ZZEF1: variants seen among roughly 807,000 people sequenced by gnomAD.
ZZEF1 encodes zinc finger ZZ-type and EF-hand domain-containing protein 1.
ZZEF1 carries 157 observed loss-of-function variants against 342.8 expected under a neutral mutation model. The observed-to-expected ratio is 0.46, with a 90% CI of 0.40 to 0.52. The LOEUF (loss-of-function observed/expected upper bound fraction) is 0.52, where lower values mean the gene tolerates loss of function less well. Among genes scored for constraint, ZZEF1 ranks in the 20% least tolerant of loss-of-function variants. The probability of loss-of-function intolerance (pLI) is 0.00; values close to 1 mark genes in which losing one functional copy is unlikely to be tolerated. For missense variants in ZZEF1, 3,480 were observed against 3,725.6 expected (o/e 0.93, Z 1.72); for synonymous variants, 1,505 against 1,429.1 (o/e 1.05, Z -1.20).
intron 39 of ZZEF1, among the ~76,000 whole-genome samples, chr17:4,040,435 T>C (rs911412224): frequency 1.1e-4 from 17 of 152,224 alleles, no homozygotes; most frequent in African/African-American, 3.1e-4. Context: ...ACCAACCAAG[T>C]GATCCAGAGC....
Position 4,044,372 on chromosome 17 carries a change from T to C in ZZEF1, c.6018A>G (p.Gly2006=), listed in dbSNP as rs1293707191. ...TGATTTCCTCATGAACAGCTCTCTT[T>C]CCCTAAAAAAACAAAAGTGTAAAAG... ...QGAELSEAGN[G]KRAVHEEIRP... The change falls in exon 38 of 55, where the codon GGA becomes GGG. Residue 2006 remains glycine, a splice_region_variant and synonymous_variant. Coordinates refer to ENST00000381638, the MANE Select transcript of ZZEF1 (RefSeq NM_015113.4). 3 of 1,604,748 alleles carry C rather than the reference T, an allele frequency of 1.9e-6. No homozygotes were observed. The highest frequency in any genetic ancestry group is 2.3e-5 in the South Asian group (2 of 88,660).
chr17:4,123,268 CATATATATATATAT>C lies in ZZEF1; in HGVS notation c.499+625_499+638del, dbSNP rs60101709. 3.5e-3 allele frequency among the ~76,000 whole-genome samples: 300 copies of C among 85,326 alleles called. 2 individuals carry two copies. The highest frequency in any genetic ancestry group is 9.5e-3 in the African/African-American group (216 of 22,828). 56.0% of individuals were successfully genotyped at this position (85,326 alleles called of 152,430 possible). A position where few individuals can be genotyped will look rare whatever the true frequency, so the allele number is the denominator to read the frequency against. On this transcript the variant is annotated intron_variant, in intron 2 of 54. Transcript: ENST00000381638. ...TTTATACATTAGAATTTATCATAAC[CATATATATATATAT>C]ATATATATATATATATATATATATA...
At chr17:4,140,411 G>A (rs1230288333) in intron 1 of ZZEF1, among the ~76,000 whole-genome samples, 9 of 152,136 alleles carry the variant, frequency 5.9e-5, no homozygotes, top group Admixed American at 5.9e-4. Context: ...AGCCCCAAGT[G>A]AGGTTAAATA....
intron 24 of ZZEF1, among the ~76,000 whole-genome samples, chr17:4,073,290 C>A (rs971314810): frequency 2.0e-5 from 3 of 151,920 alleles, no homozygotes; most frequent in African/African-American, 7.3e-5. Context: ...TTGTTTTTTT[C>A]CACTATGTAA....
intron 12 of ZZEF1, among the ~76,000 whole-genome samples, chr17:4,089,501 A>C (rs1220875210): frequency 1.3e-5 from 2 of 152,252 alleles, no homozygotes; most frequent in Non-Finnish European, 2.9e-5. Flanking sequence ...ATTTACATCC[A>C]AGGTTTAGCA....
intron 5 of ZZEF1, among the ~76,000 whole-genome samples, chr17:4,111,723 G>A (rs1398864574): frequency 2.1e-5 from 3 of 143,980 alleles, no homozygotes; most frequent in East Asian, 4.0e-4. Context: ...ATATAAATAT[G>A]TATAAACATA....
intron 25 of ZZEF1, among the ~76,000 whole-genome samples, chr17:4,071,797 T>C (rs1330282197): frequency 6.6e-6 from 1 of 151,812 alleles, no homozygotes; most frequent in Non-Finnish European, 1.5e-5. Flanking sequence ...CACAGGAAGA[T>C]GGAAACAGGT....
chr17:4,013,491 G>C lies in ZZEF1; in HGVS notation c.8537C>G (p.Ala2846Gly). 6.2e-7 allele frequency: 1 copy of C among 1,613,520 alleles called. No individual in the cohort carries two copies. Among genetic ancestry groups the C allele is most frequent in the Non-Finnish European group, 8.5e-7 (1 of 1,179,678 alleles). Residue 2846 changes from alanine (A) to glycine (G), a missense_variant, in exon 52 of 55, where the codon GCC becomes GGC. Physicochemically the swap from Ala to Gly is moderately conservative, Grantham distance 60. This residue lies in a region of ZZEF1 where 1,269 missense variants were observed against 1,342.4 expected (regional missense o/e 0.95). Transcript: ENST00000381638. The stretch of plus-strand genomic sequence containing the variant: ...CACAATCCTCAGAAGTAAGTGGATG[G>C]CTTTTAATCGTTGATGGCCAGTCTG... ...CRQTGHQRLK[A>G]IHLLLRIVRC...
At chr17:4,009,403 A>G in intron 53 of ZZEF1, 1 of 683,592 alleles carries the variant, frequency 1.5e-6, no homozygotes, top group Non-Finnish European at 2.4e-6. Context: ...CTGACAAAAT[A>G]AGCAATCTCA....
rs762501698 is a variant in ZZEF1, at chr17:4,054,044, T to C, written c.5434+13A>G. ...TGCCTTTGGATACGGCGTACCCAGT[T>C]CATGAAATTTACCTAGGAAGCAAGT... On this transcript the variant is annotated intron_variant, in intron 34 of 54. Transcript: ENST00000381638. 2.5e-6 allele frequency: 4 copies of C among 1,607,996 alleles called. No homozygotes were observed. Among genetic ancestry groups the C allele is most frequent in the Admixed American group, 3.4e-5 (2 of 59,352 alleles).
intron 1 of ZZEF1, among the ~76,000 whole-genome samples, chr17:4,139,334 G>GT (rs2058804701): frequency 1.3e-5 from 2 of 152,336 alleles, no homozygotes; most frequent in South Asian, 4.1e-4. Context: ...GAAGAAACAT[G>GT]TAACACTTGG....
At chr17:4,092,068 C>A (rs2057953380) in intron 11 of ZZEF1, among the ~76,000 whole-genome samples, 1 of 95,890 alleles carries the variant, frequency 1.0e-5, no homozygotes, top group South Asian at 4.9e-4. Context: ...AAGAGCGAAA[C>A]TCCACCTCAA....
chr17:4,017,466 C>G lies in ZZEF1; in HGVS notation c.7906G>C (p.Val2636Leu). The change falls in exon 48 of 55, where the codon GTG becomes CTG. Residue 2636 changes from valine (V) to leucine (L), a missense_variant. By Grantham distance (32) the Val-to-Leu change is conservative (BLOSUM62 1). Transcript: ENST00000381638. The surrounding 1 kb of genome is among the most constrained non-coding windows in gnomAD (Gnocchi z 5.1). The part of the protein sequence containing the change: ...LLAEWPSHVP[V>L]SEDILELSGP... Reference sequence around the variant, plus strand: ...CTGAGCTCCAGGATGTCCTCGCTCACTGGCACGTGGCTAGGCCACTCGGCG... The same window carrying G: ...CTGAGCTCCAGGATGTCCTCGCTCAGTGGCACGTGGCTAGGCCACTCGGCG... 1 of 1,614,260 alleles carries G rather than the reference C, an allele frequency of 6.2e-7. No homozygotes were observed.
At chr17:4,130,225 A>T (rs4790567) in intron 1 of ZZEF1, among the ~76,000 whole-genome samples, 2 of 152,096 alleles carry the variant, frequency 1.3e-5, no homozygotes, top group Non-Finnish European at 2.9e-5. Context: ...AAGCTGAGGC[A>T]GGCAGATCAC....
chr17:4,008,452 G>T lies in ZZEF1; in HGVS notation c.8805+431C>A. On this transcript the variant is annotated intron_variant, in intron 54 of 54. Coordinates refer to ENST00000381638, the MANE Select transcript of ZZEF1 (RefSeq NM_015113.4). The surrounding 1 kb of genome is among the most constrained non-coding windows in gnomAD (Gnocchi z 4.2). ...TTTCTAATGGCACATATGGATATAT[G>T]CATAATAGACATATCCAAAAGCTTT... is the stretch of plus-strand genomic sequence containing the variant. 1.3e-6 allele frequency: 1 copy of T among 776,138 alleles called. No individual in the cohort carries two copies. The highest frequency in any genetic ancestry group is 1.6e-6 in the Non-Finnish European group (1 of 637,480). The allele number at this position is 776,138 out of a possible 1,614,324, so 48.1% of individuals were successfully genotyped here. A position where few individuals can be genotyped will look rare whatever the true frequency, so the allele number is the denominator to read the frequency against.
At chr17:4,018,407 G>A (rs2056174430) in intron 46 of ZZEF1, among the ~76,000 whole-genome samples, 1 of 151,898 alleles carries the variant, frequency 6.6e-6, no homozygotes, top group South Asian at 2.1e-4. Flanking sequence ...ATACCACCAT[G>A]CCTGGACTCC....
chr17:4,083,794 C>T (rs1394295046), intron 16 of ZZEF1, among the ~76,000 whole-genome samples: 3 of 152,124 alleles, frequency 2.0e-5, no homozygotes, highest in African/African-American at 2.4e-5. Flanking sequence ...TGTGCCACCA[C>T]GCCCGGCTTC....
intron 51 of ZZEF1, among the ~76,000 whole-genome samples, chr17:4,013,839 A>G (rs376632493): frequency 2.7e-4 from 41 of 152,312 alleles, no homozygotes; most frequent in African/African-American, 8.9e-4. Flanking sequence ...TGCCCTGGCA[A>G]ATTCTAAGAG....
intron 39 of ZZEF1, among the ~76,000 whole-genome samples, chr17:4,037,716 T>C (rs1287128021): frequency 1.3e-5 from 2 of 152,208 alleles, no homozygotes; most frequent in Non-Finnish European, 2.9e-5. Flanking sequence ...CCCAAGTAGC[T>C]GAGACTATAG....
Sources: allele counts gnomAD v4.1 joint callset (sites outside exome capture counted in the v4.1 genomes callset), GRCh38; gene constraint gnomAD v4.1.1; regional missense constraint gnomAD v4.1.1; non-coding constraint Gnocchi (gnomAD v3.1); transcripts MANE v1.5; gene names NCBI Gene and HGNC (gene_info 2026-07-23, HGNC 2026-07-21).